PRKCB: variants seen among roughly 807,000 people sequenced by gnomAD.
The protein encoded by PRKCB is protein kinase C beta type.
A neutral mutation model predicts 81.5 loss-of-function variants in PRKCB; 13 were observed. That is an observed-to-expected ratio of 0.16 (90% confidence interval 0.10 to 0.25). PRKCB has a LOEUF of 0.25. PRKCB is among the 10% of genes least tolerant of loss of function. The pLI, the probability that PRKCB is intolerant of heterozygous loss-of-function variation, is 1.00. For missense variants in PRKCB, 509 were observed against 875.7 expected, an observed-to-expected ratio of 0.58 and a Z score of 5.29; for synonymous variants, 335 against 321.4, an observed-to-expected ratio of 1.04 and a Z score of -0.45.
chr16:23,976,730 G>A (rs1223368409), intron 2 of PRKCB, among the ~76,000 whole-genome samples: 1 of 152,170 alleles, frequency 6.6e-6, no homozygotes, highest in Non-Finnish European at 1.5e-5. Context: ...ATGGCATTGT[G>A]TCCTGCTCTC....
chr16:24,187,168 A>G (rs560305638), intron 15 of PRKCB, among the ~76,000 whole-genome samples: 139 of 152,368 alleles, frequency 9.1e-4, no homozygotes, highest in African/African-American at 3.1e-3. Flanking sequence ...TTCAGCTTTC[A>G]GGTTTCTCTT....
At chr16:24,092,018 G>A (rs932607641) in intron 5 of PRKCB, among the ~76,000 whole-genome samples, 20 of 152,096 alleles carry the variant, frequency 1.3e-4, no homozygotes, top group African/African-American at 2.2e-4. Flanking sequence ...TAAAATTAAC[G>A]TAACATAAAA....
At chr16:23,995,729 A>G (rs1250523084) in intron 3 of PRKCB, among the ~76,000 whole-genome samples, 1 of 152,158 alleles carries the variant, frequency 6.6e-6, no homozygotes. Context: ...TACATGAAGA[A>G]ATGGCCTGGA....
At chr16:23,989,262 C>T (rs1350017850) in intron 3 of PRKCB, among the ~76,000 whole-genome samples, 5 of 152,110 alleles carry the variant, frequency 3.3e-5, no homozygotes, top group Admixed American at 3.3e-4. Flanking sequence ...CTGTGCCCGG[C>T]CTATTATTAT....
intron 3 of PRKCB, among the ~76,000 whole-genome samples, chr16:24,014,712 C>T (rs1965253636): frequency 6.6e-6 from 1 of 152,174 alleles, no homozygotes; most frequent in African/African-American, 2.4e-5. Context: ...TATGATGTGC[C>T]AGGCACTGTG....
intron 2 of PRKCB, among the ~76,000 whole-genome samples, chr16:23,927,976 C>T (rs1316688812): frequency 6.6e-6 from 1 of 151,830 alleles, no homozygotes; most frequent in Non-Finnish European, 1.5e-5. Context: ...TCATTGCAGT[C>T]ATGGAGTGTG....
intron 2 of PRKCB, among the ~76,000 whole-genome samples, chr16:23,853,040 T>C (rs1341415408): frequency 2.6e-5 from 4 of 152,224 alleles, no homozygotes; most frequent in African/African-American, 9.6e-5. Flanking sequence ...ATCTGCTTCC[T>C]GTTTCAATGT....
intron 9 of PRKCB, among the ~76,000 whole-genome samples, chr16:24,126,089 C>A (rs1432443601): frequency 6.6e-6 from 1 of 152,144 alleles, no homozygotes; most frequent in East Asian, 1.9e-4. Flanking sequence ...ATGTCCACTG[C>A]AGATCCACAG....
chr16:24,077,487 C>CTCCA (rs71154273), intron 5 of PRKCB, among the ~76,000 whole-genome samples: 1,791 of 149,708 alleles, frequency 0.012, 30 homozygotes, highest in African/African-American at 0.035. Context: ...GCATTCATCT[C>CTCCA]TCCATCCATC....
chr16:24,119,415 T>C (rs911495075), intron 8 of PRKCB, among the ~76,000 whole-genome samples: 1 of 152,260 alleles, frequency 6.6e-6, no homozygotes, highest in Non-Finnish European at 1.5e-5. Flanking sequence ...TTGAGGTCCG[T>C]GCTCACGTTT....
intron 2 of PRKCB, among the ~76,000 whole-genome samples, chr16:23,876,989 G>GC (rs1491574878): frequency 3.7e-4 from 3 of 8,178 alleles, no homozygotes; most frequent in African/African-American, 1.0e-3. Flanking sequence ...GAAGGATATG[G>GC]GGGGGGAGGG....
intron 2 of PRKCB, among the ~76,000 whole-genome samples, chr16:23,985,849 AT>A (rs1191181043): frequency 6.6e-6 from 1 of 152,214 alleles, no homozygotes; most frequent in East Asian, 1.9e-4. Flanking sequence ...ATTAAAGCCC[AT>A]ATTGCTATAC....
At chr16:24,026,997 T>C (rs140123511) in intron 3 of PRKCB, among the ~76,000 whole-genome samples, 3 of 152,014 alleles carry the variant, frequency 2.0e-5, no homozygotes, top group Non-Finnish European at 4.4e-5. Context: ...TGAACAGGGG[T>C]TCCTTTTTTA....
chr16:24,050,604 A>G (rs928150792), intron 5 of PRKCB, among the ~76,000 whole-genome samples: 9 of 151,408 alleles, frequency 5.9e-5, no homozygotes, highest in Non-Finnish European at 1.5e-5. Context: ...CTCACCACAC[A>G]CTCTGATACA....
chr16:23,882,340 T>A (rs1324652400), intron 2 of PRKCB, among the ~76,000 whole-genome samples: 1 of 152,066 alleles, frequency 6.6e-6, no homozygotes, highest in Non-Finnish European at 1.5e-5. Flanking sequence ...CATCTCAGCC[T>A]CCTGAGTAGC....
intron 2 of PRKCB, among the ~76,000 whole-genome samples, chr16:23,948,812 A>C (rs1964237311): frequency 6.6e-6 from 1 of 152,230 alleles, no homozygotes; most frequent in Non-Finnish European, 1.5e-5. Flanking sequence ...TCAAGGTTCC[A>C]CTGTCGATAA....
At position 23,836,360 on chromosome 16, in the gene PRKCB, C is replaced by G. The variant is rs745464092; in HGVS notation, c.173+12C>G. On this transcript the variant is annotated intron_variant, in intron 1 of 16. Coordinates refer to ENST00000643927, the MANE Select transcript of PRKCB (RefSeq NM_002738.7). The stretch of plus-strand genomic sequence containing the variant: ...ACCGACTTCATCTGGTGAGCGCGCG[C>G]GCGCAGGGCACCTTCCCGGGCCCCC... 1.3e-6 allele frequency: 2 copies of G among 1,595,448 alleles called. No homozygotes were observed. The highest frequency in any genetic ancestry group is 1.4e-5 in the African/African-American group (1 of 71,830).
chr16:24,168,810 C>T (rs1056720481), intron 10 of PRKCB, among the ~76,000 whole-genome samples: 13 of 149,214 alleles, frequency 8.7e-5, no homozygotes, highest in African/African-American at 3.2e-4. Context: ...TTTCCTGTCT[C>T]GGCCCTGCCA....
At chr16:23,865,515 ATATGTG>A (rs1962771596) in intron 2 of PRKCB, among the ~76,000 whole-genome samples, 2 of 8,904 alleles carry the variant, frequency 2.2e-4, no homozygotes, top group Non-Finnish European at 3.6e-4. Flanking sequence ...ATATATATAT[ATATGTG>A]TGTGTGTGTG....
Sources: allele counts gnomAD v4.1 joint callset (sites outside exome capture counted in the v4.1 genomes callset), GRCh38; gene constraint gnomAD v4.1.1; transcripts MANE v1.5; gene names NCBI Gene and HGNC (gene_info 2026-07-23, HGNC 2026-07-21).